Variants in RPRD2 observed in about 807,000 individuals in gnomAD.
RPRD2 encodes regulation of nuclear pre-mRNA domain-containing protein 2.
Under a neutral mutation model 104.4 loss-of-function variants are expected in RPRD2, and 12 were observed. That is an observed-to-expected ratio of 0.11 (90% CI 0.07 to 0.19). The LOEUF is 0.19. RPRD2 is among the 10% of genes least tolerant of loss of function. The pLI is 1.00. For missense variants in RPRD2, 1,543 were observed against 1,790.1 expected (o/e 0.86, Z 2.49); for synonymous variants, 714 against 684.9 (o/e 1.04, Z -0.66).
In RPRD2 at chr1:150,443,174, C is replaced by T. The variant is rs1399695921; in HGVS notation, c.515-57C>T. The T allele has an allele frequency of 3.0e-6, 4 of 1,355,458 alleles. No individual in the cohort carries two copies. The African/African-American group carries it at 5.8e-5, about 20-fold the overall frequency. The allele number at this position is 1,355,458 out of a possible 1,614,324, so 84.0% of individuals were successfully genotyped here. A position where few individuals can be genotyped will look rare whatever the true frequency, so the allele number is the denominator to read the frequency against. ...TTTAACTATAGAGCTAAAATTTTTC[C>T]TGTTAGTCAACTTTTTGTGTCTGTA... On this transcript the variant is annotated intron_variant, in intron 4 of 10. Transcript: ENST00000369068.
intron 1 of RPRD2, among the ~76,000 whole-genome samples, chr1:150,391,066 C>T (rs1662026940): frequency 6.6e-6 from 1 of 152,164 alleles, no homozygotes; most frequent in Non-Finnish European, 1.5e-5. Flanking sequence ...ACTATCACTG[C>T]ACAGATCATG....
At chr1:150,406,193 G>C (rs1024660491) in intron 1 of RPRD2, among the ~76,000 whole-genome samples, 3 of 152,102 alleles carry the variant, frequency 2.0e-5, no homozygotes, top group Non-Finnish European at 4.4e-5. Context: ...AAGATGAAAA[G>C]GGCATTAAAT....
At chr1:150,377,318 G>T (rs1660776893) in intron 1 of RPRD2, among the ~76,000 whole-genome samples, 5 of 150,402 alleles carry the variant, frequency 3.3e-5, no homozygotes, top group Admixed American at 3.3e-4. Context: ...TTTAGTAAAT[G>T]GGCCGGGCGC....
chr1:150,467,562 C>G (rs1388243828), intron 10 of RPRD2, among the ~76,000 whole-genome samples: 5 of 151,736 alleles, frequency 3.3e-5, no homozygotes, highest in Admixed American at 1.3e-4. Flanking sequence ...TTAGTAGACA[C>G]GGGGTTTCGC....
At position 150,441,005 on chromosome 1, in the gene RPRD2, G is replaced by T. The variant is rs782818134; in HGVS notation, c.418G>T (p.Ala140Ser). Reference protein sequence around the residue: ...RNVYPEEMIVALREALSTTFK... With the variant: ...RNVYPEEMIVSLREALSTTFK... ...TGTATACCCAGAAGAAATGATTGTG[G>T]CATTGAGAGAAGCTTTGAGTAAGTG... Residue 140 changes from alanine (A) to serine (S), a missense_variant, in exon 3 of 11, where the codon GCA (alanine) becomes TCA (serine). Transcript: ENST00000369068. 4.5e-6 allele frequency: 7 copies of T among 1,565,858 alleles called. No individual in the cohort carries two copies. The highest frequency in any genetic ancestry group is 6.1e-6 in the Non-Finnish European group (7 of 1,152,026).
intron 2 of RPRD2, among the ~76,000 whole-genome samples, chr1:150,418,617 T>G (rs1368114554): frequency 2.0e-5 from 3 of 152,226 alleles, no homozygotes; most frequent in Non-Finnish European, 4.4e-5. Context: ...CAAAAAAGTT[T>G]AGAAAATGAT....
intron 2 of RPRD2, among the ~76,000 whole-genome samples, chr1:150,420,283 A>T (rs1664672101): frequency 6.6e-6 from 1 of 152,224 alleles, no homozygotes; most frequent in Admixed American, 6.6e-5. Context: ...GTTTAAAAAC[A>T]ACTACTTTGT....
chr1:150,430,203 G>C (rs1665457408), intron 2 of RPRD2, among the ~76,000 whole-genome samples: 1 of 152,118 alleles, frequency 6.6e-6, no homozygotes, highest in African/African-American at 2.4e-5. Flanking sequence ...AGAATGTGTA[G>C]AGTAATGTAT....
At chr1:150,401,445 G>A (rs990981264) in intron 1 of RPRD2, among the ~76,000 whole-genome samples, 5 of 151,756 alleles carry the variant, frequency 3.3e-5, no homozygotes, top group Admixed American at 6.6e-5. Context: ...CTGAGATTGC[G>A]CCACTGCACT....
In RPRD2 at chr1:150,388,401, C is replaced by T. The variant is rs1000671095; in HGVS notation, c.205+23482C>T. On this transcript the variant is annotated intron_variant, in intron 1 of 10. Transcript: ENST00000369068. The stretch of plus-strand genomic sequence containing the variant: ...ATATACACGTATACACATGTATATA[C>T]GTGTATATACACATGTATATATATA... Among the ~76,000 whole-genome samples, 11 of 144,960 alleles carry T rather than the reference C, an allele frequency of 7.6e-5. 1 individual carries two copies. Among genetic ancestry groups the T allele is most frequent in the African/African-American group, 2.7e-4 (11 of 40,014 alleles).
At chr1:150,428,414 C>G (rs1196709882) in intron 2 of RPRD2, among the ~76,000 whole-genome samples, 2 of 144,150 alleles carry the variant, frequency 1.4e-5, no homozygotes, top group East Asian at 4.1e-4. Context: ...GATTGCACGC[C>G]ACTGCACTCC....
At chr1:150,448,548 C>CTTTTTT in intron 7 of RPRD2, among the ~76,000 whole-genome samples, 1 of 152,190 alleles carries the variant, frequency 6.6e-6, no homozygotes, top group African/African-American at 2.4e-5. Context: ...CTCTTTGCTA[C>CTTTTTT]TCTAAAGGTT....
At chr1:150,422,291 C>T (rs1009954855) in intron 2 of RPRD2, among the ~76,000 whole-genome samples, 2 of 149,422 alleles carry the variant, frequency 1.3e-5, no homozygotes, top group South Asian at 2.1e-4. Flanking sequence ...TTGCAGTGAG[C>T]CGAGATCATG....
intron 1 of RPRD2, among the ~76,000 whole-genome samples, chr1:150,385,982 G>A (rs1167304183): frequency 2.0e-5 from 3 of 152,208 alleles, no homozygotes; most frequent in African/African-American, 4.8e-5. Context: ...TAAATCGTAG[G>A]TAAGTAGGGT....
chr1:150,383,617 AAAG>A (rs1661323658), intron 1 of RPRD2, among the ~76,000 whole-genome samples: 1 of 152,138 alleles, frequency 6.6e-6, no homozygotes, highest in Non-Finnish European at 1.5e-5. Context: ...GTGCCCAGCC[AAAG>A]AAGAGATTTT....
At chr1:150,466,011 CAAAAA>C (rs71578500) in intron 10 of RPRD2, among the ~76,000 whole-genome samples, 26 of 69,262 alleles carry the variant, frequency 3.8e-4, no homozygotes, top group Admixed American at 9.8e-4. Flanking sequence ...AGACTCAGTC[CAAAAA>C]AAAAAAAAAA....
intron 1 of RPRD2, among the ~76,000 whole-genome samples, chr1:150,414,621 T>G (rs1664200039): frequency 6.6e-6 from 1 of 151,932 alleles, no homozygotes; most frequent in Non-Finnish European, 1.5e-5. Context: ...GAAAGTACTG[T>G]GACAGATTAT....
At chr1:150,413,557 C>T (rs1020107032) in intron 1 of RPRD2, among the ~76,000 whole-genome samples, 5 of 150,896 alleles carry the variant, frequency 3.3e-5, no homozygotes, top group Non-Finnish European at 7.4e-5. Flanking sequence ...AAGCTGAGAT[C>T]GTGCCATTGC....
At chr1:150,436,593 C>T (rs868942231) in intron 2 of RPRD2, among the ~76,000 whole-genome samples, 8 of 146,510 alleles carry the variant, frequency 5.5e-5, no homozygotes, top group South Asian at 2.2e-4. Flanking sequence ...AGCAAGACTC[C>T]GTCTCAATTA....
Sources: gnomAD v4.1 joint callset for allele counts (sites outside exome capture counted in the v4.1 genomes callset) on GRCh38, gnomAD v4.1.1 for gene constraint, MANE v1.5 for transcripts, NCBI Gene and HGNC (gene_info 2026-07-23, HGNC 2026-07-21) for gene names.